The following ACACA variants were observed in gnomAD, a reference collection of about 807,000 sequenced individuals.
ACACA encodes the protein acetyl-CoA carboxylase alpha, also known as acetyl-CoA carboxylase 1.
A neutral mutation model predicts 296.1 loss-of-function variants in ACACA; 103 were observed. The observed-to-expected ratio is 0.35, with a 90% CI of 0.30 to 0.41. ACACA has a LOEUF of 0.41. Among genes scored for constraint, ACACA ranks in the 10% least tolerant of loss-of-function variants. The pLI is 1.00. For missense variants in ACACA, 1,554 were observed against 2,989.7 expected (o/e 0.52, Z 11.20); for synonymous variants, 953 against 1,038.6 (o/e 0.92, Z 1.58).
intron 45 of ACACA, chr17:37,141,523 C>T: frequency 4.5e-6 from 1 of 219,888 alleles, no homozygotes; most frequent in South Asian, 7.0e-5. Flanking sequence ...CTTCCTTGGC[C>T]TCCCAAAGTG....
chr17:37,320,331 C>A (rs901725177), intron 3 of ACACA, among the ~76,000 whole-genome samples: 1 of 150,570 alleles, frequency 6.6e-6, no homozygotes, highest in East Asian at 2.0e-4. Context: ...GCCAACATGG[C>A]GAAACCCTGT....
At chr17:37,250,943 C>T (rs1259634780) in intron 16 of ACACA, among the ~76,000 whole-genome samples, 2 of 152,070 alleles carry the variant, frequency 1.3e-5, no homozygotes, top group African/African-American at 2.4e-5. Flanking sequence ...AGGAGAATGG[C>T]GTGAACCCGA....
intron 54 of ACACA, among the ~76,000 whole-genome samples, chr17:37,092,084 T>C (rs887697352): frequency 2.6e-5 from 4 of 151,568 alleles, no homozygotes; most frequent in African/African-American, 9.7e-5. Context: ...TCCAGGAGTT[T>C]CAGACCAGCC....
intron 3 of ACACA, among the ~76,000 whole-genome samples, chr17:37,285,771 A>C (rs2082738329): frequency 6.6e-6 from 1 of 152,128 alleles, no homozygotes; most frequent in African/African-American, 2.4e-5. Flanking sequence ...TTGAGGCTGC[A>C]GTAAGTCATA....
At chr17:37,126,650 C>A (rs970778095) in intron 47 of ACACA, among the ~76,000 whole-genome samples, 2 of 152,176 alleles carry the variant, frequency 1.3e-5, no homozygotes, top group Non-Finnish European at 2.9e-5. Flanking sequence ...CCCCTAAAAA[C>A]CCAAGTCCAA....
intron 41 of ACACA, among the ~76,000 whole-genome samples, chr17:37,166,102 G>A (rs748399325): frequency 3.3e-5 from 5 of 151,916 alleles, no homozygotes; most frequent in Non-Finnish European, 4.4e-5. Context: ...AGTAATAAAT[G>A]TTTGCTAGTT....
chr17:37,352,774 A>AT (rs914826544), intron 1 of ACACA, among the ~76,000 whole-genome samples: 2 of 151,772 alleles, frequency 1.3e-5, no homozygotes, highest in Non-Finnish European at 2.9e-5. Flanking sequence ...AATACTGCTT[A>AT]TTTTTTTTGC....
chr17:37,144,486 T>G, intron 45 of ACACA: 1 of 249,566 alleles, frequency 4.0e-6, no homozygotes, highest in Non-Finnish European at 7.9e-6. Context: ...TTTCACAGAG[T>G]CATGGGTGGG....
At chr17:37,403,808 T>C (rs1045199012) in intron 1 of ACACA, among the ~76,000 whole-genome samples, 1 of 152,218 alleles carries the variant, frequency 6.6e-6, no homozygotes, top group Non-Finnish European at 1.5e-5. Flanking sequence ...AGACAGACTC[T>C]TGCTCTGTTG....
chr17:37,356,585 A>G (rs2049151411), intron 1 of ACACA, among the ~76,000 whole-genome samples: 1 of 152,028 alleles, frequency 6.6e-6, no homozygotes, highest in African/African-American at 2.4e-5. Context: ...TCACTGTGTT[A>G]GCCAGGATGG....
intron 3 of ACACA, among the ~76,000 whole-genome samples, chr17:37,319,106 TC>T (rs1348918763): frequency 2.6e-5 from 4 of 152,282 alleles, no homozygotes; most frequent in Non-Finnish European, 2.9e-5. Flanking sequence ...TTTGCTAACT[TC>T]CTCTTAAACG....
chr17:37,266,018 T>C (rs2081751934), intron 10 of ACACA, among the ~76,000 whole-genome samples: 2 of 152,172 alleles, frequency 1.3e-5, no homozygotes, highest in African/African-American at 2.4e-5. Flanking sequence ...CTATGAATCA[T>C]ATTGGGGTTC....
At chr17:37,264,038 A>ATT in intron 10 of ACACA, 144 bp from the exon 11 acceptor site, 1 of 670,796 alleles carries the variant, frequency 1.5e-6, no homozygotes, top group Non-Finnish European at 2.6e-6. Flanking sequence ...AAACTGAATA[A>ATT]AATACAGTCC....
intron 52 of ACACA, among the ~76,000 whole-genome samples, chr17:37,106,254 A>G (rs1460440371): frequency 6.6e-6 from 1 of 152,242 alleles, no homozygotes; most frequent in Non-Finnish European, 1.5e-5. Context: ...ATCCTGTTTT[A>G]AATGCCTTAA....
chr17:37,220,216 C>T (rs1326919920), intron 29 of ACACA, among the ~76,000 whole-genome samples: 1 of 152,148 alleles, frequency 6.6e-6, no homozygotes, highest in African/African-American at 2.4e-5. Context: ...GAATTTCTCT[C>T]ATTTTTCAGC....
chr17:37,339,670 G>T, intron 2 of ACACA, 134 bp downstream of exon 2: 1 of 643,664 alleles, frequency 1.6e-6, no homozygotes, highest in Middle Eastern at 4.2e-4. Flanking sequence ...GTTCACTTCA[G>T]GTTATCCACC....
intron 3 of ACACA, among the ~76,000 whole-genome samples, chr17:37,319,187 T>A (rs2047231534): frequency 6.6e-6 from 1 of 152,114 alleles, no homozygotes; most frequent in Non-Finnish European, 1.5e-5. Context: ...ATTAAGAAAT[T>A]TAAAGAACAT....
rs1179497445 is a variant in ACACA at position 37,202,668 on chromosome 17, CATATATATAT to C, written c.4057-2195_4057-2186del. Among the ~76,000 whole-genome samples the C allele has an allele frequency of 2.8e-5, 2 of 71,188 alleles. 1 individual carries two copies. Among genetic ancestry groups the C allele is most frequent in the Non-Finnish European group, 5.9e-5 (2 of 33,988 alleles). The allele number at this position is 71,188 out of a possible 152,430, so 46.7% of individuals were successfully genotyped here. On this transcript the variant is annotated intron_variant, in intron 33 of 55. Transcript: ENST00000616317. ...AAATTGCTTTTCTTTCCTTTTCTTTCATATATATATATATATATATATATATATATATATA... is the reference window on the plus strand; with the variant it reads ...AAATTGCTTTTCTTTCCTTTTCTTTCATATATATATATATATATATATATA...
At chr17:37,400,146 G>T (rs1253369854) in intron 1 of ACACA, among the ~76,000 whole-genome samples, 2 of 152,016 alleles carry the variant, frequency 1.3e-5, no homozygotes, top group Non-Finnish European at 2.9e-5. Flanking sequence ...TTGAGACAGG[G>T]TCTTGCTCTG....
Sources: gnomAD v4.1 joint callset for allele counts (sites outside exome capture counted in the v4.1 genomes callset) on GRCh38, gnomAD v4.1.1 for gene constraint, MANE v1.5 for transcripts, NCBI Gene and HGNC (gene_info 2026-07-23, HGNC 2026-07-21) for gene names.